TMEM131L: variants seen among roughly 807,000 people sequenced by gnomAD.
The protein encoded by TMEM131L is transmembrane protein 131-like.
A neutral mutation model predicts 192.2 loss-of-function variants in TMEM131L; 54 were observed. That is an observed-to-expected ratio of 0.28 (90% CI 0.23 to 0.35). The LOEUF (loss-of-function observed/expected upper bound fraction) is 0.35, where lower values mean the gene tolerates loss of function less well. Among genes scored for constraint, TMEM131L ranks in the 10% least tolerant of loss-of-function variants. The probability of loss-of-function intolerance (pLI) is 1.00; values close to 1 mark genes in which losing one functional copy is unlikely to be tolerated. For missense variants in TMEM131L, 1,888 were observed against 1,972.9 expected (o/e 0.96, Z 0.82); for synonymous variants, 701 against 704.9 (o/e 0.99, Z 0.09).
intron 29 of TMEM131L, among the ~76,000 whole-genome samples, 192 bp from the exon 30 acceptor site, chr4:153,625,955 C>T (rs1733815421): frequency 1.3e-5 from 2 of 151,984 alleles, no homozygotes. Context: ...AAGAAATATA[C>T]CTAAATGTTC....
At chr4:153,559,326 G>C (rs1216480004) in intron 7 of TMEM131L, among the ~76,000 whole-genome samples, 1 of 152,070 alleles carries the variant, frequency 6.6e-6, no homozygotes, top group Non-Finnish European at 1.5e-5. Context: ...AGAATTTTAA[G>C]GAAGACTTCT....
At chr4:153,503,101 A>G (rs1733727253) in intron 3 of TMEM131L, among the ~76,000 whole-genome samples, 1 of 152,250 alleles carries the variant, frequency 6.6e-6, no homozygotes, top group Non-Finnish European at 1.5e-5. Flanking sequence ...ACTACATTAA[A>G]ACAAAGATAT....
chr4:153,509,761 C>T (rs924480997), intron 3 of TMEM131L, among the ~76,000 whole-genome samples: 3 of 152,136 alleles, frequency 2.0e-5, no homozygotes, highest in Non-Finnish European at 2.9e-5. Flanking sequence ...ATATTAATTC[C>T]GTGATTCTTA....
intron 2 of TMEM131L, among the ~76,000 whole-genome samples, chr4:153,473,365 A>C (rs550158029): frequency 7.2e-5 from 11 of 152,242 alleles, no homozygotes; most frequent in Non-Finnish European, 1.5e-4. Context: ...TTGTCTTCTA[A>C]TACAGCCGGG....
At position 153,596,463 on chromosome 4, in the gene TMEM131L, G is replaced by A. The variant is rs1465937800; in HGVS notation, c.2123+78G>A. The A allele has an allele frequency of 7.2e-6, 11 of 1,538,084 alleles. No homozygotes were observed. The Admixed American group carries it at 8.5e-5, about 12-fold the overall frequency. On this transcript the variant is annotated intron_variant, in intron 20 of 34. Coordinates refer to ENST00000409959, the MANE Select transcript of TMEM131L (RefSeq NM_001131007.2). Reference sequence around the variant, plus strand: ...TAAATCTCTTTAGCTGATAGTTGACGTTCACTTCTCAGTCAGACCTTCAGG... The same window carrying A: ...TAAATCTCTTTAGCTGATAGTTGACATTCACTTCTCAGTCAGACCTTCAGG...
At chr4:153,492,043 C>T (rs933342839) in intron 3 of TMEM131L, among the ~76,000 whole-genome samples, 36 of 151,996 alleles carry the variant, frequency 2.4e-4, no homozygotes, top group African/African-American at 7.3e-4. Context: ...CTCCATCACC[C>T]GAGCTGGAGT....
Position 153,466,364 on chromosome 4 carries a change from GCGGCGAGCAA to G in TMEM131L, c.-30_-21del. ...GGGCGCCAGCGAGCTAGCGGCGAGC[GCGGCGAGCAA>G]CGGAGAGGAGCGCGAGCAGCAGCAT... On this transcript the variant is annotated 5_prime_UTR_variant, in exon 1 of 35. Transcript: ENST00000409959. 2 of 1,230,278 alleles carry G rather than the reference GCGGCGAGCAA, an allele frequency of 1.6e-6. No homozygotes were observed. The highest frequency in any genetic ancestry group is 2.0e-6 in the Non-Finnish European group (2 of 982,970). 76.2% of individuals were successfully genotyped at this position (1,230,278 alleles called of 1,614,324 possible). A position where few individuals can be genotyped will look rare whatever the true frequency, so the allele number is the denominator to read the frequency against.
rs1359849279 is a variant in TMEM131L at position 153,487,167 on chromosome 4, CAG to C, written c.239+13280_239+13281del. 2.0e-5 allele frequency among the ~76,000 whole-genome samples: 3 copies of C among 152,162 alleles called. No individual in the cohort carries two copies. In the East Asian group the frequency reaches 5.8e-4, roughly 29 times the overall value. On this transcript the variant is annotated intron_variant, in intron 3 of 34. Transcript: ENST00000409959. The stretch of plus-strand genomic sequence containing the variant: ...ACCATTGGCCCAGGGTGAGGCAGCT[CAG>C]GGACCATGTTACAAAATATACTTTT...
At chr4:153,578,597 T>C (rs1470949434) in intron 7 of TMEM131L, among the ~76,000 whole-genome samples, 2 of 150,488 alleles carry the variant, frequency 1.3e-5, no homozygotes, top group African/African-American at 4.9e-5. Flanking sequence ...CTCGGCACAC[T>C]GCAAGCTCTG....
At chr4:153,529,260 T>G (rs75035459) in intron 3 of TMEM131L, among the ~76,000 whole-genome samples, 2,158 of 152,308 alleles carry the variant, frequency 0.014, 62 homozygotes, top group African/African-American at 0.049. Context: ...TTACTTTGAA[T>G]ATTCTATTTA....
intron 7 of TMEM131L, among the ~76,000 whole-genome samples, chr4:153,568,751 CT>C (rs1189116389): frequency 6.6e-6 from 1 of 152,174 alleles, no homozygotes; most frequent in Non-Finnish European, 1.5e-5. Context: ...ACTTTAGAAA[CT>C]TTTGTTAGAA....
At chr4:153,492,183 AAAG>A (rs1447542744) in intron 3 of TMEM131L, among the ~76,000 whole-genome samples, 1 of 151,932 alleles carries the variant, frequency 6.6e-6, no homozygotes, top group African/African-American at 2.4e-5. Context: ...AAAAAAAAAA[AAAG>A]AAGGTTTTTA....
intron 3 of TMEM131L, among the ~76,000 whole-genome samples, chr4:153,507,826 A>G (rs1183748616): frequency 1.3e-5 from 2 of 152,296 alleles, no homozygotes; most frequent in East Asian, 3.9e-4. Flanking sequence ...CCATGTTGGC[A>G]GCTGCTCCCT....
intron 3 of TMEM131L, among the ~76,000 whole-genome samples, chr4:153,529,629 T>C (rs1010078052): frequency 6.6e-6 from 1 of 152,300 alleles, no homozygotes; most frequent in Admixed American, 6.5e-5. Flanking sequence ...GGAAAAGTAG[T>C]TTGAGCACAA....
At chr4:153,470,160 C>CCTAT (rs1731054322) in intron 2 of TMEM131L, among the ~76,000 whole-genome samples, 1 of 152,000 alleles carries the variant, frequency 6.6e-6, no homozygotes, top group Admixed American at 6.6e-5. Flanking sequence ...GAATCTCAGC[C>CCTAT]CTATCCCTTT....
At chr4:153,629,009 C>G (rs1475628724) in intron 31 of TMEM131L, among the ~76,000 whole-genome samples, 1 of 152,180 alleles carries the variant, frequency 6.6e-6, no homozygotes, top group African/African-American at 2.4e-5. Context: ...GCTGAAATGG[C>G]CTGATCCATT....
At chr4:153,626,012 AAATG>A in intron 29 of TMEM131L, 131 bp from the exon 30 acceptor site, 1 of 590,680 alleles carries the variant, frequency 1.7e-6, no homozygotes, top group Non-Finnish European at 3.0e-6. Context: ...TTTAATTAAA[AAATG>A]TGAGAATATC....
intron 3 of TMEM131L, among the ~76,000 whole-genome samples, chr4:153,493,172 C>A (rs1464289141): frequency 1.3e-5 from 2 of 149,738 alleles, no homozygotes; most frequent in South Asian, 4.2e-4. Flanking sequence ...TGGTGAAACC[C>A]CATCTCTACT....
chr4:153,613,838 TTC>T (rs1732791997), intron 26 of TMEM131L, among the ~76,000 whole-genome samples: 2 of 152,234 alleles, frequency 1.3e-5, no homozygotes, highest in African/African-American at 4.8e-5. Flanking sequence ...CTTTATTTTC[TTC>T]TCTTTTATTA....
Sources: allele counts gnomAD v4.1 joint callset (sites outside exome capture counted in the v4.1 genomes callset), GRCh38; gene constraint gnomAD v4.1.1; transcripts MANE v1.5; gene names NCBI Gene and HGNC (gene_info 2026-07-23, HGNC 2026-07-21).